The following CENPE variants were observed in gnomAD, a reference collection of about 807,000 sequenced individuals.
The protein encoded by CENPE is centromere-associated protein E.
CENPE carries 145 observed loss-of-function variants against 336.1 expected under a neutral mutation model. The ratio of observed to expected loss-of-function variants is 0.43; its 90% CI spans 0.38 to 0.50. The LOEUF is 0.50. Ranked by LOEUF, CENPE falls within the 20% of genes least tolerant of loss-of-function variation. The pLI, the probability that CENPE is intolerant of heterozygous loss-of-function variation, is 0.00. For missense variants in CENPE, 2,719 were observed against 3,023.3 expected (o/e 0.90, Z 2.36); for synonymous variants, 1,013 against 984.8 (o/e 1.03, Z -0.54).
At chr4:103,130,119 CCT>C (rs1751457445) in intron 42 of CENPE, among the ~76,000 whole-genome samples, 1 of 152,082 alleles carries the variant, frequency 6.6e-6, no homozygotes, top group South Asian at 2.1e-4. Flanking sequence ...AAGGATGTCC[CCT>C]CTCACCTCTA....
chr4:103,139,425 A>T (rs1299876526), intron 38 of CENPE, among the ~76,000 whole-genome samples: 1 of 152,110 alleles, frequency 6.6e-6, no homozygotes, highest in Non-Finnish European at 1.5e-5. Flanking sequence ...CCAACTCTAG[A>T]ACTCCAGCAT....
In CENPE at chr4:103,195,226, T is replaced by C. The variant is rs1208704475; in HGVS notation, c.365A>G (p.Asp122Gly). ...DIFQKIKKFPDREFLLRVSYM... is the reference protein window; with the variant it reads ...DIFQKIKKFPGREFLLRVSYM... Reference sequence around the variant, plus strand: ...AGATACACGTAAGAGAAATTCCCTATCAGGAAACTAGAAGAAAAAAAATTA... The same window carrying C: ...AGATACACGTAAGAGAAATTCCCTACCAGGAAACTAGAAGAAAAAAAATTA... Residue 122 changes from aspartate to glycine, a missense_variant, in exon 5 of 49, where the codon GAT becomes GGT. Coordinates refer to ENST00000265148, the MANE Select transcript of CENPE (RefSeq NM_001813.3). 6.4e-7 allele frequency: 1 copy of C among 1,571,510 alleles called. No homozygotes were observed. Among genetic ancestry groups the C allele is most frequent in the African/African-American group, 1.4e-5 (1 of 72,134 alleles).
rs749144725 is a variant in CENPE at position 103,148,964 on chromosome 4, A to G, written c.3723T>C (p.His1241=). 1.9e-6 allele frequency: 3 copies of G among 1,613,670 alleles called. No individual in the cohort carries two copies. Among genetic ancestry groups the G allele is most frequent in the Non-Finnish European group, 1.7e-6 (2 of 1,179,904 alleles). ...LQTKEELKIA[H]IHLKEHQETI... is the part of the protein sequence containing the mutation. ...TTTCTTGGTGTTCTTTTAGGTGAAT[A>G]TGAGCAATTTTTAGTTCTTCTTTGG... The change falls in exon 28 of 49, where the codon CAT becomes CAC. Residue 1241 remains histidine (H), a synonymous_variant. Transcript: ENST00000265148.
intron 1 of CENPE, among the ~76,000 whole-genome samples, chr4:103,197,640 C>G (rs981045349): frequency 6.6e-6 from 1 of 152,178 alleles, no homozygotes; most frequent in African/African-American, 2.4e-5. Context: ...TGAAGCAAAC[C>G]GATTTCATTT....
In CENPE at chr4:103,132,711, G is replaced by T; in HGVS notation, c.6906C>A (p.Phe2302Leu). 1 of 1,526,812 alleles carries T rather than the reference G, an allele frequency of 6.5e-7. No homozygotes were observed. Among genetic ancestry groups the T allele is most frequent in the Admixed American group, 1.8e-5 (1 of 54,536 alleles). The allele number at this position is 1,526,812 out of a possible 1,614,324, so 94.6% of individuals were successfully genotyped here. Residue 2302 changes from phenylalanine to leucine, a missense_variant, in exon 42 of 49, where the codon TTC (phenylalanine) becomes TTA (leucine). By Grantham distance (22) the Phe-to-Leu change is conservative. This residue lies in a region of CENPE where 2,437 missense variants were observed against 2,513.3 expected (regional missense o/e 0.97). Coordinates refer to ENST00000265148, the MANE Select transcript of CENPE (RefSeq NM_001813.3). ...ENDRICQVNN[F>L]FNNRIIAIMN... ...TACTTACAATTATTCTGTTATTAAA[G>T]AAGTTATTCACTTGACAAATCCTAT...
intron 48 of CENPE, among the ~76,000 whole-genome samples, chr4:103,106,554 A>G (rs1207858790): frequency 2.6e-5 from 4 of 152,226 alleles, no homozygotes; most frequent in Admixed American, 2.0e-4. Context: ...GAGAGGTAAT[A>G]AAGTTTTATT....
chr4:103,176,647 C>T (rs1244854976), intron 14 of CENPE, among the ~76,000 whole-genome samples: 1 of 152,124 alleles, frequency 6.6e-6, no homozygotes, highest in African/African-American at 2.4e-5. Context: ...GCAAGCTCCG[C>T]CTCCCAGGTT....
At chr4:103,187,476 A>AGAGT (rs530757509) in intron 8 of CENPE, among the ~76,000 whole-genome samples, 1,532 of 152,332 alleles carry the variant, frequency 0.01, 30 homozygotes, top group African/African-American at 0.035. Flanking sequence ...AAGCCAGAAG[A>AGAGT]GAGTGGGGGC....
chr4:103,196,680 C>G (rs1370211220), intron 2 of CENPE, 79 bp downstream of exon 2: 3 of 707,332 alleles, frequency 4.2e-6, no homozygotes, highest in Non-Finnish European at 7.3e-6. Flanking sequence ...AGTGACAAAT[C>G]TAATATTATT....
chr4:103,158,897 G>T lies in CENPE; in HGVS notation c.2602-11C>A. 6.3e-7 allele frequency: 1 copy of T among 1,589,204 alleles called. No homozygotes were observed. The highest frequency in any genetic ancestry group is 8.5e-7 in the Non-Finnish European group (1 of 1,173,056). On this transcript the variant is annotated splice_polypyrimidine_tract_variant and intron_variant, in intron 22 of 48. Transcript: ENST00000265148. Reference sequence around the variant, plus strand: ...GGTCTTGTAAGAAAGCTTTAAAAAAGAAAAAGTAAATGTCACACAGTAAAA... The same window carrying T: ...GGTCTTGTAAGAAAGCTTTAAAAAATAAAAAGTAAATGTCACACAGTAAAA...
intron 31 of CENPE, 54 bp downstream of exon 31, chr4:103,145,469 T>C: frequency 1.3e-6 from 2 of 1,488,992 alleles, no homozygotes; most frequent in Non-Finnish European, 1.8e-6. Context: ...ATAATTCAGT[T>C]AGCTACTCCA....
intron 8 of CENPE, among the ~76,000 whole-genome samples, 174 bp downstream of exon 8, chr4:103,194,055 C>A (rs1757560438): frequency 6.6e-6 from 1 of 151,978 alleles, no homozygotes; most frequent in South Asian, 2.1e-4. Flanking sequence ...CTGAATTTTT[C>A]CTACGACATT....
intron 8 of CENPE, among the ~76,000 whole-genome samples, chr4:103,192,793 A>C (rs1367483719): frequency 9.2e-6 from 1 of 108,282 alleles, no homozygotes; most frequent in African/African-American, 2.7e-5. Context: ...CATCTTTAGG[A>C]AGACATGAAT....
intron 46 of CENPE, among the ~76,000 whole-genome samples, chr4:103,112,542 A>T (rs1749564478): frequency 7.0e-6 from 1 of 142,882 alleles, no homozygotes; most frequent in Admixed American, 7.2e-5. Flanking sequence ...ATATACACTT[A>T]TAAGTATATA....
At chr4:103,151,538 T>A (rs957597514) in intron 25 of CENPE, among the ~76,000 whole-genome samples, 161 bp from the exon 26 acceptor site, 1 of 152,210 alleles carries the variant, frequency 6.6e-6, no homozygotes, top group Non-Finnish European at 1.5e-5. Flanking sequence ...TTTAATAATA[T>A]AAGATGCCAA....
At chr4:103,120,545 T>G (rs1750532743) in intron 43 of CENPE, among the ~76,000 whole-genome samples, 1 of 152,208 alleles carries the variant, frequency 6.6e-6, no homozygotes, top group East Asian at 1.9e-4. Context: ...GTCAAAGGTT[T>G]ATATTATAAT....
At chr4:103,193,694 G>A (rs1757531444) in intron 8 of CENPE, among the ~76,000 whole-genome samples, 1 of 151,994 alleles carries the variant, frequency 6.6e-6, no homozygotes, top group Non-Finnish European at 1.5e-5. Context: ...ATAATGTGTT[G>A]GGGCTACCAG....
chr4:103,160,550 C>T lies in CENPE; in HGVS notation c.2286+75G>A, dbSNP rs998176374. 6 of 1,270,280 alleles carry T rather than the reference C, an allele frequency of 4.7e-6. No homozygotes were observed. In the East Asian group the frequency reaches 7.4e-5, roughly 16 times the overall value. 78.7% of individuals were successfully genotyped at this position (1,270,280 alleles called of 1,614,324 possible). A position where few individuals can be genotyped will look rare whatever the true frequency, so the allele number is the denominator to read the frequency against. The stretch of plus-strand genomic sequence containing the variant: ...TCTGCTAGTTTAAAATAAACTATAC[C>T]AAAATATTTAAGGCACTATTATCGC... On this transcript the variant is annotated intron_variant, in intron 21 of 48. Coordinates refer to ENST00000265148, the MANE Select transcript of CENPE (RefSeq NM_001813.3).
intron 43 of CENPE, among the ~76,000 whole-genome samples, chr4:103,121,997 T>C (rs1422230397): frequency 6.6e-6 from 1 of 152,234 alleles, no homozygotes; most frequent in East Asian, 1.9e-4. Context: ...ATCAAACTTG[T>C]CTAATGATAG....
Sources: allele counts gnomAD v4.1 joint callset (sites outside exome capture counted in the v4.1 genomes callset), GRCh38; gene constraint gnomAD v4.1.1; regional missense constraint gnomAD v4.1.1; transcripts MANE v1.5; gene names NCBI Gene and HGNC (gene_info 2026-07-23, HGNC 2026-07-21).